The following NELL1 variants were observed in gnomAD, a reference collection of about 807,000 sequenced individuals.
The protein encoded by NELL1 is protein kinase C-binding protein NELL1.
Under a neutral mutation model 107.4 loss-of-function variants are expected in NELL1, and 76 were observed. That is an observed-to-expected ratio of 0.71 (90% CI 0.59 to 0.86). NELL1 has a LOEUF of 0.86. Among genes scored for constraint, NELL1 ranks in the 40% least tolerant of loss-of-function variants. The probability of loss-of-function intolerance (pLI) is 0.00; values close to 1 mark genes in which losing one functional copy is unlikely to be tolerated. For missense variants in NELL1, 1,024 were observed against 1,005.5 expected, an observed-to-expected ratio of 1.02 and a Z score of -0.25; for synonymous variants, 353 against 341.2, an observed-to-expected ratio of 1.03 and a Z score of -0.38.
chr11:20,925,154 C>T (rs1850465987), intron 7 of NELL1, among the ~76,000 whole-genome samples: 1 of 152,192 alleles, frequency 6.6e-6, no homozygotes, highest in Non-Finnish European at 1.5e-5. Context: ...CATATGCCAT[C>T]ATCCCTCAGT....
intron 15 of NELL1, among the ~76,000 whole-genome samples, chr11:21,457,055 T>C (rs1015229402): frequency 1.3e-5 from 2 of 151,842 alleles, no homozygotes; most frequent in African/African-American, 4.8e-5. Flanking sequence ...CTGAGGAAAA[T>C]GTGTAAATAA....
chr11:21,368,519 G>A (rs1371434413), intron 14 of NELL1, among the ~76,000 whole-genome samples: 3 of 151,982 alleles, frequency 2.0e-5, no homozygotes, highest in Admixed American at 1.3e-4. Flanking sequence ...GTCTTCACTT[G>A]AATCTTGTCT....
intron 12 of NELL1, among the ~76,000 whole-genome samples, chr11:20,962,737 G>T (rs552158304): frequency 3.3e-5 from 5 of 152,324 alleles, no homozygotes; most frequent in African/African-American, 9.6e-5. Flanking sequence ...GCATGCTCCT[G>T]TTTAGCTCAG....
intron 12 of NELL1, among the ~76,000 whole-genome samples, chr11:21,030,387 T>C (rs1439167665): frequency 6.6e-6 from 1 of 152,204 alleles, no homozygotes; most frequent in Non-Finnish European, 1.5e-5. Flanking sequence ...TGAAATGTCT[T>C]GGCTGAGGTG....
intron 3 of NELL1, among the ~76,000 whole-genome samples, chr11:20,837,483 C>T (rs1406889140): frequency 6.6e-6 from 1 of 152,086 alleles, no homozygotes; most frequent in Non-Finnish European, 1.5e-5. Flanking sequence ...AGCAGCAATA[C>T]CTTGTAGCCA....
At chr11:20,691,281 C>G (rs1295104761) in intron 2 of NELL1, among the ~76,000 whole-genome samples, 3 of 151,518 alleles carry the variant, frequency 2.0e-5, no homozygotes, top group Non-Finnish European at 4.4e-5. Flanking sequence ...TTATTTCCTT[C>G]TCCTGCCTGA....
At chr11:21,284,241 C>CA in intron 14 of NELL1, 1 of 456,736 alleles carries the variant, frequency 2.2e-6, no homozygotes, top group South Asian at 1.5e-5. Context: ...AAAAATTTGC[C>CA]AAACGTGGAG....
In NELL1 at chr11:21,539,529, G is replaced by A. The variant is rs116062818; in HGVS notation, c.1786+5015G>A. Among the ~76,000 whole-genome samples, 1,089 of 151,898 alleles carry A rather than the reference G, an allele frequency of 7.2e-3. 13 individuals carry two copies. The highest frequency in any genetic ancestry group is 0.025 in the African/African-American group (1,032 of 41,466). On this transcript the variant is annotated intron_variant, in intron 16 of 19. Transcript: ENST00000357134. The stretch of plus-strand genomic sequence containing the variant: ...CTCTCAGTGGGATGGATGCGGAGCT[G>A]GAAAGGGGATGGACTGGGAAGACGA...
At chr11:21,295,189 A>T (rs1849348515) in intron 14 of NELL1, among the ~76,000 whole-genome samples, 1 of 152,128 alleles carries the variant, frequency 6.6e-6, no homozygotes. Flanking sequence ...AGACCAGCTC[A>T]CTGACTTGCT....
At chr11:20,874,648 G>A (rs187377330) in intron 4 of NELL1, among the ~76,000 whole-genome samples, 3 of 152,254 alleles carry the variant, frequency 2.0e-5, no homozygotes, top group Non-Finnish European at 4.4e-5. Flanking sequence ...CTGAGTTTGA[G>A]GCTAATTGTC....
At chr11:20,685,803 G>C (rs998286520) in intron 2 of NELL1, among the ~76,000 whole-genome samples, 1 of 152,004 alleles carries the variant, frequency 6.6e-6, no homozygotes, top group African/African-American at 2.4e-5. Context: ...TAGGATAGTG[G>C]AAAAAGCAGA....
rs368872177 is a variant in NELL1 at position 20,939,782 on chromosome 11, G to C, written c.1071+1923G>C. Among the ~76,000 whole-genome samples, 7 of 152,248 alleles carry C rather than the reference G, an allele frequency of 4.6e-5. No individual in the cohort carries two copies. The South Asian group carries it at 1.5e-3, about 32-fold the overall frequency. ...TAGGTGATGACGAGATACTGGTGCA[G>C]GAAGAGGAACATTCAGGAGGAGGAA... On this transcript the variant is annotated intron_variant, in intron 10 of 19. Coordinates refer to ENST00000357134, the MANE Select transcript of NELL1 (RefSeq NM_006157.5).
At chr11:21,211,616 G>A (rs950184974) in intron 13 of NELL1, among the ~76,000 whole-genome samples, 1 of 152,136 alleles carries the variant, frequency 6.6e-6, no homozygotes, top group Non-Finnish European at 1.5e-5. Flanking sequence ...GCATTGGGAA[G>A]CTATAGCAAT....
chr11:20,901,196 A>T (rs1849864887), intron 5 of NELL1, among the ~76,000 whole-genome samples: 1 of 152,132 alleles, frequency 6.6e-6, no homozygotes, highest in South Asian at 2.1e-4. Context: ...TATATAAAAA[A>T]TGATCACCAA....
At chr11:21,313,472 T>C (rs1849793631) in intron 14 of NELL1, among the ~76,000 whole-genome samples, 1 of 152,174 alleles carries the variant, frequency 6.6e-6, no homozygotes, top group Non-Finnish European at 1.5e-5. Flanking sequence ...TTACAGTGAC[T>C]GAGGCACAAG....
intron 14 of NELL1, among the ~76,000 whole-genome samples, chr11:21,274,074 G>T (rs182342913): frequency 1.3e-5 from 2 of 152,164 alleles, no homozygotes; most frequent in African/African-American, 4.8e-5. Context: ...AATGTAAATG[G>T]ACTAAATGCT....
At chr11:20,720,332 C>T (rs537844699) in intron 2 of NELL1, among the ~76,000 whole-genome samples, 31 of 151,868 alleles carry the variant, frequency 2.0e-4, no homozygotes, top group Non-Finnish European at 3.7e-4. Flanking sequence ...CTCAGCCTCC[C>T]GAGTAGCTGG....
At chr11:20,843,681 A>G (rs552962491) in intron 3 of NELL1, among the ~76,000 whole-genome samples, 2 of 97,702 alleles carry the variant, frequency 2.0e-5, no homozygotes, top group Non-Finnish European at 5.8e-5. Context: ...TTTTAATATT[A>G]TGTATGTAAT....
chr11:21,325,512 A>C (rs1850111301), intron 14 of NELL1, among the ~76,000 whole-genome samples: 1 of 152,086 alleles, frequency 6.6e-6, no homozygotes, highest in African/African-American at 2.4e-5. Flanking sequence ...GGGTACAAAA[A>C]TAATATTCCA....
Sources: gnomAD v4.1 joint callset for allele counts (sites outside exome capture counted in the v4.1 genomes callset) on GRCh38, gnomAD v4.1.1 for gene constraint, MANE v1.5 for transcripts, NCBI Gene and HGNC (gene_info 2026-07-23, HGNC 2026-07-21) for gene names.